Variants in MYT1L observed in about 807,000 individuals in gnomAD.
MYT1L encodes myelin transcription factor 1 like, also known as myelin transcription factor 1-like protein.
MYT1L carries 12 observed loss-of-function variants against 126.7 expected under a neutral mutation model. That is an observed-to-expected ratio of 0.09 (90% CI 0.06 to 0.15). MYT1L has a LOEUF of 0.15. Among genes scored for constraint, MYT1L ranks in the 10% least tolerant of loss-of-function variants. The pLI is 1.00. For missense variants in MYT1L, 979 were observed against 1,585.2 expected (o/e 0.62, Z 6.49); for synonymous variants, 541 against 604.2 (o/e 0.90, Z 1.53).
At chr2:2,033,189 C>T (rs2066571823) in intron 4 of MYT1L, among the ~76,000 whole-genome samples, 1 of 147,276 alleles carries the variant, frequency 6.8e-6, no homozygotes, top group South Asian at 2.2e-4. Context: ...GGGCCTTACA[C>T]ACACCCCTTG....
At chr2:2,070,468 T>C (rs886743832) in intron 3 of MYT1L, among the ~76,000 whole-genome samples, 2 of 152,192 alleles carry the variant, frequency 1.3e-5, no homozygotes, top group Non-Finnish European at 2.9e-5. Flanking sequence ...TGACAGGACA[T>C]GGAAGAACTT....
intron 23 of MYT1L, among the ~76,000 whole-genome samples, chr2:1,799,950 C>T (rs6736493): frequency 0.014 from 2,067 of 152,266 alleles, 46 homozygotes; most frequent in African/African-American, 0.046. Context: ...GAAGAAGGTG[C>T]CTTGCTTCCT....
chr2:2,279,323 A>G (rs1009099119), intron 2 of MYT1L, among the ~76,000 whole-genome samples: 3 of 152,120 alleles, frequency 2.0e-5, no homozygotes, highest in African/African-American at 4.8e-5. Flanking sequence ...AGTATGGAGG[A>G]CAATAATGCC....
At chr2:1,881,567 C>A (rs1259369161) in intron 18 of MYT1L, among the ~76,000 whole-genome samples, 1 of 151,898 alleles carries the variant, frequency 6.6e-6, no homozygotes, top group Non-Finnish European at 1.5e-5. Context: ...CTTTATAAAC[C>A]ATTTGCAGAT....
At chr2:1,994,751 T>C (rs1574319020) in intron 5 of MYT1L, among the ~76,000 whole-genome samples, 1 of 152,204 alleles carries the variant, frequency 6.6e-6, no homozygotes, top group African/African-American at 2.4e-5. Flanking sequence ...TTTAGTAATG[T>C]GGTAAAAAAA....
chr2:2,299,889 T>G (rs960949931), intron 1 of MYT1L, among the ~76,000 whole-genome samples: 1 of 152,210 alleles, frequency 6.6e-6, no homozygotes, highest in South Asian at 2.1e-4. Flanking sequence ...TAGATCATCT[T>G]CCGGCAGCCT....
intron 11 of MYT1L, among the ~76,000 whole-genome samples, chr2:1,915,348 C>A (rs1395600961): frequency 6.6e-6 from 1 of 152,080 alleles, no homozygotes; most frequent in Non-Finnish European, 1.5e-5. Context: ...CCGCCCATGT[C>A]AGAGCTGACT....
At chr2:1,945,768 T>G (rs2057154121) in intron 8 of MYT1L, among the ~76,000 whole-genome samples, 1 of 152,218 alleles carries the variant, frequency 6.6e-6, no homozygotes. Flanking sequence ...AAGAAACTTT[T>G]GCTATTTTTT....
chr2:1,975,635 G>A (rs942412336), intron 8 of MYT1L, among the ~76,000 whole-genome samples: 7 of 152,150 alleles, frequency 4.6e-5, no homozygotes, highest in Non-Finnish European at 8.8e-5. Context: ...AGGCTGAGGC[G>A]GGTGGATCAC....
In MYT1L at chr2:1,832,501, C is replaced by T. The variant is rs535776086; in HGVS notation, c.3080+6648G>A. On this transcript the variant is annotated intron_variant, in intron 21 of 24. Coordinates refer to ENST00000647738, the MANE Select transcript of MYT1L (RefSeq NM_001303052.2). The stretch of plus-strand genomic sequence containing the variant: ...CTGGGGCTGGGGCCACCTCTCCTGC[C>T]GGGATTCACCCACAAGGCCCTGCTC... 3.9e-5 allele frequency among the ~76,000 whole-genome samples: 6 copies of T among 152,352 alleles called. No individual in the cohort carries two copies. The East Asian group carries it at 5.8e-4, about 15-fold the overall frequency.
chr2:2,230,710 G>A (rs1418600131), intron 2 of MYT1L, among the ~76,000 whole-genome samples: 1 of 152,230 alleles, frequency 6.6e-6, no homozygotes, highest in Non-Finnish European at 1.5e-5. Context: ...CACTGATGTT[G>A]CCGGGGGCTC....
chr2:1,988,353 T>C (rs1489565161), intron 5 of MYT1L, among the ~76,000 whole-genome samples: 1 of 152,242 alleles, frequency 6.6e-6, no homozygotes, highest in Non-Finnish European at 1.5e-5. Context: ...CCCGTGATGA[T>C]ACGTGGCTCT....
At chr2:1,847,359 C>T (rs1454215403) in intron 19 of MYT1L, among the ~76,000 whole-genome samples, 4 of 152,178 alleles carry the variant, frequency 2.6e-5, no homozygotes, top group Non-Finnish European at 5.9e-5. Context: ...TAGTGGGAGT[C>T]GGATTCCTGG....
At chr2:2,005,280 C>CTGAATGCG (rs2063126484) in intron 4 of MYT1L, among the ~76,000 whole-genome samples, 2 of 40,806 alleles carry the variant, frequency 4.9e-5, no homozygotes, top group African/African-American at 9.3e-5. Context: ...TCCTGTGTGC[C>CTGAATGCG]TTCTTTCCTG....
At chr2:1,926,171 C>T (rs1186543476) in intron 9 of MYT1L, among the ~76,000 whole-genome samples, 1 of 152,122 alleles carries the variant, frequency 6.6e-6, no homozygotes, top group African/African-American at 2.4e-5. Flanking sequence ...GCCTCAAAGC[C>T]TGGCAGGTGA....
intron 2 of MYT1L, among the ~76,000 whole-genome samples, chr2:2,215,023 AT>A (rs1460941352): frequency 3.3e-5 from 5 of 152,216 alleles, no homozygotes; most frequent in South Asian, 4.1e-4. Context: ...AAAATTAAAG[AT>A]GTATTTTACA....
Position 1,910,457 on chromosome 2 carries a change from G to A in MYT1L, c.1710-110C>T. ...TGCAGGTGGAGCTGGTGAGGGAGGG[G>A]TAGTTTCCCAAACCTGGCACAGGCA... On this transcript the variant is annotated intron_variant, in intron 12 of 24. Coordinates refer to ENST00000647738, the MANE Select transcript of MYT1L (RefSeq NM_001303052.2). This position sits in a 1 kb window ranked among gnomAD's most constrained non-coding sequence, Gnocchi z 4.8. 1 of 992,172 alleles carries A rather than the reference G, an allele frequency of 1.0e-6. No homozygotes were observed. The highest frequency in any genetic ancestry group is 1.5e-6 in the Non-Finnish European group (1 of 658,384). 61.5% of individuals were successfully genotyped at this position (992,172 alleles called of 1,614,324 possible). A position where few individuals can be genotyped will look rare whatever the true frequency, so the allele number is the denominator to read the frequency against.
At chr2:1,808,152 C>T (rs4853832) in intron 22 of MYT1L, among the ~76,000 whole-genome samples, 61,900 of 152,036 alleles carry the variant, frequency 0.41, 13,181 homozygotes, top group South Asian at 0.57. Flanking sequence ...ATTACCCAGT[C>T]TCGGGTATTT....
In MYT1L at chr2:2,238,777, T is replaced by C. The variant is rs569980501; in HGVS notation, c.-421+45627A>G. ...TAAGTGTAGTAAATACATCTCTACA[T>C]GTTCCACGATAAGCAGGAAGTAAGC... On this transcript the variant is annotated intron_variant, in intron 2 of 24. Transcript: ENST00000647738. Among the ~76,000 whole-genome samples, 11 of 152,366 alleles carry C rather than the reference T, an allele frequency of 7.2e-5. No individual in the cohort carries two copies. The East Asian group carries it at 2.1e-3, about 29-fold the overall frequency.
Sources: gnomAD v4.1 joint callset for allele counts (sites outside exome capture counted in the v4.1 genomes callset) on GRCh38, gnomAD v4.1.1 for gene constraint, Gnocchi (gnomAD v3.1) non-coding constraint, MANE v1.5 for transcripts, NCBI Gene and HGNC (gene_info 2026-07-23, HGNC 2026-07-21) for gene names.